The following RABGAP1L variants were observed in gnomAD, a reference collection of about 807,000 sequenced individuals.
The protein encoded by RABGAP1L is RAB GTPase activating protein 1 like.
A neutral mutation model predicts 137.7 loss-of-function variants in RABGAP1L; 63 were observed. The ratio of observed to expected loss-of-function variants is 0.46; its 90% CI spans 0.37 to 0.56. The LOEUF is 0.56. Ranked by LOEUF, RABGAP1L falls within the 20% of genes least tolerant of loss-of-function variation. The pLI, the probability that RABGAP1L is intolerant of heterozygous loss-of-function variation, is 0.00. For synonymous variants in RABGAP1L, 431 were observed against 433.7 expected, an observed-to-expected ratio of 0.99 and a Z score of 0.08; for missense variants, 1,095 against 1,244.0, an observed-to-expected ratio of 0.88 and a Z score of 1.80.
chr1:174,341,807 A>C (rs1045945714), intron 11 of RABGAP1L, among the ~76,000 whole-genome samples: 1 of 152,184 alleles, frequency 6.6e-6, no homozygotes, highest in East Asian at 1.9e-4. Flanking sequence ...AAAGGAGAGA[A>C]ATCTTACATA....
intron 19 of RABGAP1L, among the ~76,000 whole-genome samples, chr1:174,883,311 G>A (rs1015700817): frequency 3.9e-5 from 6 of 152,186 alleles, no homozygotes; most frequent in African/African-American, 1.4e-4. Flanking sequence ...CACAGTGAAA[G>A]CTGTAACTAA....
intron 19 of RABGAP1L, among the ~76,000 whole-genome samples, chr1:174,928,684 G>C (rs1663222840): frequency 6.6e-6 from 1 of 151,940 alleles, no homozygotes; most frequent in Admixed American, 6.6e-5. Context: ...TTGCAAATTT[G>C]TTGCCTTTTT....
At position 174,934,495 on chromosome 1, in the gene RABGAP1L, T is replaced by C. The variant is rs78087800; in HGVS notation, c.2341-22962T>C. Among the ~76,000 whole-genome samples the C allele has an allele frequency of 1.7e-3, 262 of 152,226 alleles. 5 individuals carry two copies. In the East Asian group the frequency reaches 0.047, roughly 27 times the overall value. ...GCTGTGTTTTCTACAGTATCAAAAA[T>C]ATACTTCAAGGCCAGGCATGGTGGC... On this transcript the variant is annotated intron_variant, in intron 19 of 25. Transcript: ENST00000681986.
intron 11 of RABGAP1L, among the ~76,000 whole-genome samples, chr1:174,345,554 G>C (rs1682357891): frequency 6.6e-6 from 1 of 151,898 alleles, no homozygotes; most frequent in Non-Finnish European, 1.5e-5. Flanking sequence ...TAGATTGTTT[G>C]CTCTTGACTT....
intron 18 of RABGAP1L, among the ~76,000 whole-genome samples, chr1:174,803,018 G>A (rs1688899807): frequency 6.6e-6 from 1 of 152,064 alleles, no homozygotes; most frequent in Non-Finnish European, 1.5e-5. Context: ...TGTGGGTTAA[G>A]CACATACAAG....
intron 24 of RABGAP1L, among the ~76,000 whole-genome samples, chr1:174,988,278 G>C (rs1044077948): frequency 2.0e-5 from 3 of 152,128 alleles, no homozygotes; most frequent in African/African-American, 7.2e-5. Flanking sequence ...TGATGATAGT[G>C]CTTACTTATA....
intron 13 of RABGAP1L, among the ~76,000 whole-genome samples, chr1:174,537,736 G>T (rs1384876135): frequency 1.3e-5 from 2 of 152,068 alleles, no homozygotes; most frequent in Admixed American, 6.6e-5. Context: ...ATTGTTTGTG[G>T]TCATTGTGGA....
intron 19 of RABGAP1L, among the ~76,000 whole-genome samples, chr1:174,856,647 C>A (rs573284942): frequency 2.2e-4 from 34 of 152,082 alleles, no homozygotes; most frequent in Admixed American, 1.6e-3. Context: ...ACCTTTGAGG[C>A]CAGGTGCAGT....
chr1:174,417,808 G>A (rs527499861), intron 13 of RABGAP1L, among the ~76,000 whole-genome samples: 1 of 151,948 alleles, frequency 6.6e-6, no homozygotes, highest in South Asian at 2.1e-4. Flanking sequence ...AGTTAACATA[G>A]AAGTCTAAAA....
intron 1 of RABGAP1L, among the ~76,000 whole-genome samples, chr1:174,178,751 A>G (rs1013405829): frequency 2.6e-5 from 4 of 152,168 alleles, no homozygotes; most frequent in African/African-American, 9.7e-5. Context: ...CAAACACCGA[A>G]TGTTCTCACT....
intron 19 of RABGAP1L, among the ~76,000 whole-genome samples, chr1:174,823,507 A>G (rs989047206): frequency 6.6e-6 from 1 of 152,238 alleles, no homozygotes; most frequent in South Asian, 2.1e-4. Flanking sequence ...AGAAGAAAAG[A>G]AAACATTCCT....
chr1:174,530,838 C>T (rs534450079), intron 13 of RABGAP1L, among the ~76,000 whole-genome samples: 51 of 55,018 alleles, frequency 9.3e-4, no homozygotes, highest in African/African-American at 9.0e-3. Flanking sequence ...TACATACATA[C>T]GTACGTTTGT....
chr1:174,701,213 T>C, intron 16 of RABGAP1L: 1 of 1,275,370 alleles, frequency 7.8e-7, no homozygotes. Context: ...TTGTTTAAAT[T>C]GGGAGAAAAA....
At chr1:174,614,040 G>T (rs1671539104) in intron 13 of RABGAP1L, among the ~76,000 whole-genome samples, 1 of 152,270 alleles carries the variant, frequency 6.6e-6, no homozygotes, top group Middle Eastern at 3.4e-3. Flanking sequence ...TTTAATTGGA[G>T]CATTTATTCC....
At chr1:174,267,744 A>G (rs1455930425) in intron 7 of RABGAP1L, among the ~76,000 whole-genome samples, 2 of 152,200 alleles carry the variant, frequency 1.3e-5, no homozygotes, top group Non-Finnish European at 2.9e-5. Context: ...TTGTGCTTCA[A>G]ACAACGAAGT....
intron 13 of RABGAP1L, among the ~76,000 whole-genome samples, chr1:174,606,880 G>A (rs1044868023): frequency 6.6e-5 from 10 of 152,114 alleles, no homozygotes; most frequent in Admixed American, 2.0e-4. Flanking sequence ...CACAGCTAGC[G>A]TCTGAAGTAA....
intron 13 of RABGAP1L, among the ~76,000 whole-genome samples, chr1:174,616,745 T>C (rs1280314230): frequency 1.3e-5 from 2 of 152,220 alleles, no homozygotes; most frequent in African/African-American, 4.8e-5. Context: ...TGAATTGAGT[T>C]TTATACTTCA....
At chr1:174,281,624 A>G (rs1294793036) in intron 10 of RABGAP1L, among the ~76,000 whole-genome samples, 2 of 152,232 alleles carry the variant, frequency 1.3e-5, no homozygotes, top group African/African-American at 2.4e-5. Flanking sequence ...TGCCCAGAGA[A>G]CTAGAAAGAC....
intron 13 of RABGAP1L, among the ~76,000 whole-genome samples, chr1:174,489,315 C>T (rs1659981840): frequency 6.6e-6 from 1 of 152,092 alleles, no homozygotes; most frequent in Non-Finnish European, 1.5e-5. Flanking sequence ...CTACAAAGAA[C>T]TTAAACAAAT....
Sources: allele counts gnomAD v4.1 joint callset (sites outside exome capture counted in the v4.1 genomes callset), GRCh38; gene constraint gnomAD v4.1.1; transcripts MANE v1.5; gene names NCBI Gene and HGNC (gene_info 2026-07-23, HGNC 2026-07-21).